SLC39A11: variants seen among roughly 807,000 people sequenced by gnomAD.
SLC39A11 encodes the protein solute carrier family 39 member 11.
In SLC39A11, 33 loss-of-function variants were observed where a neutral mutation model predicts 36.1. That is an observed-to-expected ratio of 0.91 (90% CI 0.69 to 1.22). The LOEUF (loss-of-function observed/expected upper bound fraction) is 1.22, where lower values mean the gene tolerates loss of function less well. Among genes scored for constraint, SLC39A11 ranks in the 50% most tolerant of loss-of-function variants. The probability of loss-of-function intolerance (pLI) is 0.00; values close to 1 mark genes in which losing one functional copy is unlikely to be tolerated. For missense variants in SLC39A11, 432 were observed against 430.3 expected (o/e 1.00, Z -0.03); for synonymous variants, 166 against 170.3 (o/e 0.97, Z 0.20).
chr17:72,882,968 T>C (rs2081278971), intron 5 of SLC39A11, among the ~76,000 whole-genome samples: 1 of 151,940 alleles, frequency 6.6e-6, no homozygotes, highest in Non-Finnish European at 1.5e-5. Flanking sequence ...GGCTAATTTT[T>C]GTATTTTTAG....
At chr17:72,729,436 TATATATATATATATA>T (rs2074099639) in intron 7 of SLC39A11, among the ~76,000 whole-genome samples, 15 of 3,496 alleles carry the variant, frequency 4.3e-3, no homozygotes, top group East Asian at 7.6e-3. Context: ...TATATATATA[TATATATATATATATA>T]TATATATTTT....
intron 4 of SLC39A11, among the ~76,000 whole-genome samples, chr17:72,951,667 A>G (rs552815262): frequency 2.0e-5 from 3 of 152,304 alleles, no homozygotes; most frequent in African/African-American, 7.2e-5. Context: ...ACAGCCATCC[A>G]AAACATTGCC....
chr17:72,722,532 A>ATTT (rs2073732174), intron 7 of SLC39A11, among the ~76,000 whole-genome samples: 2 of 149,968 alleles, frequency 1.3e-5, no homozygotes, highest in Non-Finnish European at 2.9e-5. Context: ...GGAAAAAGTA[A>ATTT]GGTCTTTGGA....
At chr17:72,992,526 A>G (rs1270574730) in intron 4 of SLC39A11, among the ~76,000 whole-genome samples, 2 of 152,004 alleles carry the variant, frequency 1.3e-5, no homozygotes, top group Non-Finnish European at 2.9e-5. Flanking sequence ...GCCCCTTTTC[A>G]TTGATTTGTG....
intron 3 of SLC39A11, among the ~76,000 whole-genome samples, chr17:73,047,640 G>A (rs1224123666): frequency 2.6e-5 from 4 of 151,802 alleles, no homozygotes; most frequent in South Asian, 2.1e-4. Flanking sequence ...CCAAGATTCA[G>A]GCCCAGCCAG....
At chr17:72,871,082 G>A (rs1449970666) in intron 5 of SLC39A11, among the ~76,000 whole-genome samples, 1 of 107,802 alleles carries the variant, frequency 9.3e-6, no homozygotes, top group Non-Finnish European at 1.9e-5. Context: ...TGGTTTTTCT[G>A]AGACAGAGTC....
At chr17:72,739,240 G>T (rs2074570075) in intron 6 of SLC39A11, among the ~76,000 whole-genome samples, 2 of 151,698 alleles carry the variant, frequency 1.3e-5, no homozygotes, top group South Asian at 4.2e-4. Flanking sequence ...TGAGTCTCCT[G>T]CCTCAGCCTC....
chr17:72,775,086 C>T (rs562415805), intron 6 of SLC39A11, among the ~76,000 whole-genome samples: 2 of 152,176 alleles, frequency 1.3e-5, no homozygotes, highest in African/African-American at 4.8e-5. Flanking sequence ...ACCCATTCCC[C>T]CAACACCTGG....
In SLC39A11 at chr17:72,760,179, A is replaced by G. The variant is rs994844485; in HGVS notation, c.602-23460T>C. ...GTAGCTGGGATTACAGGCACGTGCC[A>G]CCATGCCTGGCTAATTTTTGTATTT... is the stretch of plus-strand genomic sequence containing the variant. On this transcript the variant is annotated intron_variant, in intron 6 of 9. Transcript: ENST00000255559. 2.0e-5 allele frequency among the ~76,000 whole-genome samples: 3 copies of G among 152,246 alleles called. No individual in the cohort carries two copies. The East Asian group carries it at 5.8e-4, about 29-fold the overall frequency.
chr17:72,760,882 T>G (rs1034347038), intron 6 of SLC39A11, among the ~76,000 whole-genome samples: 1 of 152,126 alleles, frequency 6.6e-6, no homozygotes, highest in African/African-American at 2.4e-5. Flanking sequence ...AGGGAAATCC[T>G]CTGGCCAAGG....
chr17:73,040,979 C>T (rs914226411), intron 3 of SLC39A11, among the ~76,000 whole-genome samples: 1 of 53,550 alleles, frequency 1.9e-5, no homozygotes, highest in Non-Finnish European at 5.1e-5. Flanking sequence ...AGTCAGACTC[C>T]ATCTCAAAAA....
At chr17:72,934,544 T>G (rs1210489839) in intron 5 of SLC39A11, among the ~76,000 whole-genome samples, 4 of 152,122 alleles carry the variant, frequency 2.6e-5, no homozygotes, top group Admixed American at 1.3e-4. Flanking sequence ...CGTGTGCCTG[T>G]AGTCCCAGCT....
At chr17:72,843,319 G>A (rs2078901845) in intron 6 of SLC39A11, among the ~76,000 whole-genome samples, 1 of 152,138 alleles carries the variant, frequency 6.6e-6, no homozygotes, top group African/African-American at 2.4e-5. Context: ...AGAATTGTCT[G>A]CAAAATATTG....
At chr17:72,662,628 G>GAGAAAGA (rs141240125) in intron 7 of SLC39A11, among the ~76,000 whole-genome samples, 55 of 122,908 alleles carry the variant, frequency 4.5e-4, no homozygotes, top group African/African-American at 1.4e-3. Context: ...AGAAGAAAGA[G>GAGAAAGA]AAGAAAGAGA....
At chr17:72,834,289 G>A (rs945983494) in intron 6 of SLC39A11, among the ~76,000 whole-genome samples, 1 of 152,160 alleles carries the variant, frequency 6.6e-6, no homozygotes, top group Admixed American at 6.5e-5. Context: ...GAGAACTACA[G>A]GTGGCCAGGG....
rs575459672 is a variant in SLC39A11, at chr17:73,067,152, G to A, written c.147+17656C>T. The stretch of plus-strand genomic sequence containing the variant: ...ACAAGAGTGCTGAGTGCCTGCTCCA[G>A]TTTCCGTCTGCCCTCTCTTTCAGTA... On this transcript the variant is annotated intron_variant, in intron 3 of 9. Coordinates refer to ENST00000255559, the MANE Select transcript of SLC39A11 (RefSeq NM_139177.4). Among the ~76,000 whole-genome samples the A allele has an allele frequency of 2.6e-5, 4 of 152,338 alleles. No individual in the cohort carries two copies. In the South Asian group the frequency reaches 8.3e-4, roughly 32 times the overall value.
At chr17:72,709,034 C>G (rs561009478) in intron 7 of SLC39A11, among the ~76,000 whole-genome samples, 1 of 151,882 alleles carries the variant, frequency 6.6e-6, no homozygotes, top group South Asian at 2.1e-4. Flanking sequence ...CTCCCAGGTT[C>G]ATGCCATTCT....
At position 72,847,177 on chromosome 17, in the gene SLC39A11, C is replaced by G. The variant is rs117232106; in HGVS notation, c.601+2457G>C. Among the ~76,000 whole-genome samples the G allele has an allele frequency of 3.3e-3, 508 of 152,224 alleles. 1 individual carries two copies. Among genetic ancestry groups the G allele is most frequent in the Admixed American group, 6.0e-3 (92 of 15,282 alleles). ...CAGCACTTTGAGAGGCTGAGGTGGG[C>G]TAATCACTTGAGGCCGGGAGTTTAA... On this transcript the variant is annotated intron_variant, in intron 6 of 9. Transcript: ENST00000255559.
At chr17:73,045,059 A>G (rs376148652) in intron 3 of SLC39A11, among the ~76,000 whole-genome samples, 2 of 152,062 alleles carry the variant, frequency 1.3e-5, no homozygotes, top group East Asian at 1.9e-4. Context: ...GATGAGCCAC[A>G]TTTGCTACAC....
Sources: allele counts gnomAD v4.1 joint callset (sites outside exome capture counted in the v4.1 genomes callset), GRCh38; gene constraint gnomAD v4.1.1; transcripts MANE v1.5; gene names NCBI Gene and HGNC (gene_info 2026-07-23, HGNC 2026-07-21).